The following NRF1 variants were observed in gnomAD, a reference collection of about 807,000 sequenced individuals.
NRF1 encodes nuclear respiratory factor 1.
NRF1 carries 5 observed loss-of-function variants against 58.5 expected under a neutral mutation model. That is an observed-to-expected ratio of 0.09 (90% CI 0.04 to 0.18). The LOEUF is 0.18. NRF1 is among the 10% of genes least tolerant of loss of function. The probability of loss-of-function intolerance (pLI) is 1.00; values close to 1 mark genes in which losing one functional copy is unlikely to be tolerated. For missense variants in NRF1, 288 were observed against 657.7 expected (o/e 0.44, Z 6.15); for synonymous variants, 224 against 246.7 (o/e 0.91, Z 0.86).
At chr7:129,688,318 G>T (rs372034553) in intron 4 of NRF1, among the ~76,000 whole-genome samples, 1 of 151,918 alleles carries the variant, frequency 6.6e-6, no homozygotes, top group East Asian at 1.9e-4. Flanking sequence ...GTAGACACAG[G>T]GTCTCACCAT....
chr7:129,701,152 G>A (rs1417455196), intron 5 of NRF1, among the ~76,000 whole-genome samples: 5 of 151,826 alleles, frequency 3.3e-5, no homozygotes, highest in African/African-American at 1.2e-4. Context: ...ATATTCATAA[G>A]AAAAAGATAA....
chr7:129,633,411 TTACTG>T (rs1307135450), intron 1 of NRF1: 1 of 152,248 alleles, frequency 6.6e-6, no homozygotes, highest in Non-Finnish European at 1.5e-5. Flanking sequence ...AAAGCACTGA[TTACTG>T]AACTGTGTTG....
At chr7:129,624,509 G>A (rs1344248921) in intron 1 of NRF1, among the ~76,000 whole-genome samples, 1 of 152,178 alleles carries the variant, frequency 6.6e-6, no homozygotes, top group Non-Finnish European at 1.5e-5. Context: ...GATGGGAAGA[G>A]ATTCTAAATC....
intron 10 of NRF1, among the ~76,000 whole-genome samples, chr7:129,732,473 G>C (rs1372490052): frequency 6.6e-6 from 1 of 152,216 alleles, no homozygotes; most frequent in Non-Finnish European, 1.5e-5. Context: ...TAGCAGAGCT[G>C]CTAAGAAAGC....
intron 1 of NRF1, among the ~76,000 whole-genome samples, chr7:129,632,649 C>A (rs1159006927): frequency 6.7e-6 from 1 of 150,344 alleles, no homozygotes; most frequent in Non-Finnish European, 1.5e-5. Context: ...AAAAAAAAAA[C>A]AATGTTTGGA....
In NRF1 at chr7:129,685,386, C is replaced by G. The variant is rs1410930247; in HGVS notation, c.466-5020C>G. Among the ~76,000 whole-genome samples, 3 of 152,096 alleles carry G rather than the reference C, an allele frequency of 2.0e-5. No homozygotes were observed. In the South Asian group the frequency reaches 6.2e-4, roughly 31 times the overall value. On this transcript the variant is annotated intron_variant, in intron 4 of 10. Transcript: ENST00000393232. ...AACAAACCTGCGTGACAGAGCAAGA[C>G]CTTGTTTCAAAGAACAAAACAAAAT...
intron 1 of NRF1, among the ~76,000 whole-genome samples, chr7:129,653,940 G>T: frequency 6.6e-6 from 1 of 152,190 alleles, no homozygotes; most frequent in East Asian, 1.9e-4. Context: ...ACATCCATGT[G>T]CAGGTTTTTA....
At chr7:129,653,920 A>G (rs1220023150) in intron 1 of NRF1, among the ~76,000 whole-genome samples, 1 of 152,240 alleles carries the variant, frequency 6.6e-6, no homozygotes, top group Non-Finnish European at 1.5e-5. Context: ...AATTATGAAT[A>G]AAATTATAAA....
chr7:129,725,124 G>C (rs1431396475), intron 9 of NRF1, among the ~76,000 whole-genome samples: 1 of 152,144 alleles, frequency 6.6e-6, no homozygotes, highest in African/African-American at 2.4e-5. Context: ...GGAGATGGTA[G>C]AATAGGAAGT....
At chr7:129,701,678 T>C (rs2116161353) in intron 5 of NRF1, among the ~76,000 whole-genome samples, 1 of 152,258 alleles carries the variant, frequency 6.6e-6, no homozygotes, top group East Asian at 1.9e-4. Context: ...TCTGGTACTC[T>C]TAGTGACAGT....
intron 1 of NRF1, among the ~76,000 whole-genome samples, chr7:129,624,182 T>G (rs1800865528): frequency 6.6e-6 from 1 of 152,236 alleles, no homozygotes; most frequent in African/African-American, 2.4e-5. Context: ...CCATCAGGTC[T>G]CTGCTCAAAC....
intron 4 of NRF1, among the ~76,000 whole-genome samples, chr7:129,688,439 A>G (rs1192432487): frequency 6.6e-6 from 1 of 152,086 alleles, no homozygotes; most frequent in Non-Finnish European, 1.5e-5. Flanking sequence ...TTTTTCTAAT[A>G]TGATCATTCT....
At chr7:129,676,723 G>C (rs907142828) in intron 3 of NRF1, among the ~76,000 whole-genome samples, 3 of 152,172 alleles carry the variant, frequency 2.0e-5, no homozygotes, top group African/African-American at 7.2e-5. Flanking sequence ...GTGAGCACAT[G>C]CTGTTGGAAA....
At chr7:129,674,083 G>T (rs1008725672) in intron 3 of NRF1, among the ~76,000 whole-genome samples, 2 of 152,082 alleles carry the variant, frequency 1.3e-5, no homozygotes, top group African/African-American at 4.8e-5. Flanking sequence ...GGAGGCTGCA[G>T]TGAGCCGAGA....
intron 10 of NRF1, among the ~76,000 whole-genome samples, chr7:129,735,699 A>G (rs1339334476): frequency 6.6e-6 from 1 of 150,706 alleles, no homozygotes; most frequent in Non-Finnish European, 1.5e-5. Flanking sequence ...TTAAGACTTC[A>G]ACGTCATATT....
intron 2 of NRF1, among the ~76,000 whole-genome samples, chr7:129,662,301 G>A (rs1247187968): frequency 6.6e-6 from 1 of 151,014 alleles, no homozygotes; most frequent in East Asian, 1.9e-4. Context: ...TCTGTTCATT[G>A]ACTTATTAAT....
In NRF1 at chr7:129,657,442, A is replaced by G. The variant is rs1801683100; in HGVS notation, c.91A>G (p.Thr31Ala). 8.1e-6 allele frequency: 13 copies of G among 1,614,058 alleles called. No individual in the cohort carries two copies. The highest frequency in any genetic ancestry group is 1.1e-5 in the Non-Finnish European group (13 of 1,180,002). The change falls in exon 2 of 11, where the codon ACT (threonine) becomes GCT (alanine). Residue 31 changes from threonine to alanine, a missense_variant. Thr to Ala is a moderately conservative substitution (Grantham distance 58). This residue lies in a region of NRF1 where 48 missense variants were observed against 65.5 expected (regional missense o/e 0.73). Transcript: ENST00000393232. ...AQQVQQVHVA[T>A]YTEHSMLSAD... ...GCAAGTGCAGCAGGTCCATGTGGCT[A>G]CTTACACCGAGCATAGTATGCTGAG...
At chr7:129,728,624 C>G (rs1485103444) in intron 10 of NRF1, among the ~76,000 whole-genome samples, 1 of 152,094 alleles carries the variant, frequency 6.6e-6, no homozygotes, top group African/African-American at 2.4e-5. Flanking sequence ...GAACCGAATG[C>G]TCTGTTAGTT....
At chr7:129,701,498 G>A (rs185368176) in intron 5 of NRF1, among the ~76,000 whole-genome samples, 1 of 151,976 alleles carries the variant, frequency 6.6e-6, no homozygotes, top group Non-Finnish European at 1.5e-5. Context: ...TACAGGTTGA[G>A]GCAGGAGAAT....
Sources: gnomAD v4.1 joint callset for allele counts (sites outside exome capture counted in the v4.1 genomes callset) on GRCh38, gnomAD v4.1.1 for gene constraint, gnomAD v4.1.1 regional missense constraint, MANE v1.5 for transcripts, NCBI Gene and HGNC (gene_info 2026-07-23, HGNC 2026-07-21) for gene names.